Variants in MYO5A observed in about 807,000 individuals in gnomAD.
MYO5A encodes myosin VA.
In MYO5A, 98 loss-of-function variants were observed where a neutral mutation model predicts 249.7. That is an observed-to-expected ratio of 0.39 (90% CI 0.33 to 0.46). The LOEUF is 0.46. Ranked by LOEUF, MYO5A falls within the 20% of genes least tolerant of loss-of-function variation. The pLI, the probability that MYO5A is intolerant of heterozygous loss-of-function variation, is 0.98. For missense variants in MYO5A, 1,696 were observed against 2,308.8 expected, an observed-to-expected ratio of 0.73 and a Z score of 5.44; for synonymous variants, 778 against 810.6, an observed-to-expected ratio of 0.96 and a Z score of 0.68.
chr15:52,334,314 T>C (rs911066982), intron 34 of MYO5A, among the ~76,000 whole-genome samples: 12 of 152,216 alleles, frequency 7.9e-5, no homozygotes, highest in African/African-American at 2.4e-4. Context: ...GAATCTCACA[T>C]GTTAATACAC....
At chr15:52,495,763 T>G (rs1310216903) in intron 1 of MYO5A, among the ~76,000 whole-genome samples, 1 of 152,196 alleles carries the variant, frequency 6.6e-6, no homozygotes, top group African/African-American at 2.4e-5. Context: ...AGTCCTTGCA[T>G]GCATTAAAGC....
chr15:52,391,503 A>G (rs906561398), intron 12 of MYO5A, among the ~76,000 whole-genome samples: 6 of 152,254 alleles, frequency 3.9e-5, no homozygotes, highest in African/African-American at 1.4e-4. Flanking sequence ...TTTAAATATT[A>G]AAGATACAAC....
chr15:52,484,534 G>A (rs921133152), intron 1 of MYO5A, among the ~76,000 whole-genome samples: 1 of 152,166 alleles, frequency 6.6e-6, no homozygotes, highest in Non-Finnish European at 1.5e-5. Context: ...ATTTCAAAGT[G>A]ATCATTATAT....
At position 52,416,494 on chromosome 15, in the gene MYO5A, T is replaced by TA. The variant is rs142141813; in HGVS notation, c.456-194_456-193insT. The stretch of plus-strand genomic sequence containing the variant: ...AGAAATGTTGCAGGATATATATATA[T>TA]TTTTTTTAAGGAATCAGAGAGACCG... On this transcript the variant is annotated intron_variant, in intron 4 of 41. Transcript: ENST00000399233. 0.15 allele frequency among the ~76,000 whole-genome samples: 22,794 copies of TA among 150,856 alleles called. 1,826 individuals are homozygous for TA. The highest frequency in any genetic ancestry group is 0.23 in the Middle Eastern group (67 of 292).
intron 1 of MYO5A, among the ~76,000 whole-genome samples, chr15:52,489,861 C>A (rs67287941): frequency 1.7e-4 from 26 of 152,166 alleles, no homozygotes; most frequent in Non-Finnish European, 3.2e-4. Context: ...AATTCTACAG[C>A]TGAACAGCAA....
At chr15:52,315,610 G>C (rs1041422338) in intron 40 of MYO5A, among the ~76,000 whole-genome samples, 1 of 151,276 alleles carries the variant, frequency 6.6e-6, no homozygotes, top group Non-Finnish European at 1.5e-5. Context: ...CTGACCTCAG[G>C]TGATCTGTCT....
At chr15:52,484,645 G>A (rs1444993731) in intron 1 of MYO5A, among the ~76,000 whole-genome samples, 1 of 152,058 alleles carries the variant, frequency 6.6e-6, no homozygotes, top group Non-Finnish European at 1.5e-5. Context: ...TGATTTCAAT[G>A]TTTGTTTGTT....
At chr15:52,326,369 A>C (rs1005823779) in intron 36 of MYO5A, among the ~76,000 whole-genome samples, 2 of 152,272 alleles carry the variant, frequency 1.3e-5, no homozygotes, top group Admixed American at 6.5e-5. Flanking sequence ...ACAATATTGC[A>C]TCAACACACT....
At chr15:52,329,910 T>A (rs2038797618) in intron 35 of MYO5A, among the ~76,000 whole-genome samples, 2 of 12,890 alleles carry the variant, frequency 1.6e-4, no homozygotes, top group South Asian at 7.2e-3. Flanking sequence ...GGGTAATTTT[T>A]TTTTTTTTTT....
chr15:52,343,854 GATA>G (rs1054574213), intron 30 of MYO5A, among the ~76,000 whole-genome samples: 10 of 152,150 alleles, frequency 6.6e-5, no homozygotes, highest in Admixed American at 5.9e-4. Flanking sequence ...AATTAGTAAT[GATA>G]ATGTTAGTAA....
At chr15:52,376,606 G>T in intron 18 of MYO5A, 48 bp from the exon 19 acceptor site, 1 of 1,538,738 alleles carries the variant, frequency 6.5e-7, no homozygotes, top group South Asian at 1.1e-5. Context: ...TCATATAAGT[G>T]AAATTTAAAA....
chr15:52,516,676 G>C (rs2077502718), intron 1 of MYO5A, among the ~76,000 whole-genome samples: 2 of 152,130 alleles, frequency 1.3e-5, no homozygotes, highest in African/African-American at 4.8e-5. Context: ...TTAGCATTGG[G>C]CATATTTTGC....
intron 1 of MYO5A, among the ~76,000 whole-genome samples, chr15:52,523,734 C>T (rs776340235): frequency 2.6e-5 from 4 of 152,030 alleles, no homozygotes; most frequent in East Asian, 1.9e-4. Flanking sequence ...TTCCAAGCTG[C>T]GGAACTAGGA....
intron 1 of MYO5A, among the ~76,000 whole-genome samples, chr15:52,521,021 A>T (rs1313192469): frequency 6.6e-6 from 1 of 152,082 alleles, no homozygotes; most frequent in Non-Finnish European, 1.5e-5. Context: ...CATGGTCAGG[A>T]GTTCGAGACC....
chr15:52,510,408 A>G (rs1387754705), intron 1 of MYO5A, among the ~76,000 whole-genome samples: 1 of 152,232 alleles, frequency 6.6e-6, no homozygotes, highest in Non-Finnish European at 1.5e-5. Flanking sequence ...TCAAATAAGA[A>G]TTTTTGGAAA....
At chr15:52,343,267 A>AG in intron 30 of MYO5A, 70 bp from the exon 31 acceptor site, 2 of 1,234,632 alleles carry the variant, frequency 1.6e-6, no homozygotes, top group Non-Finnish European at 2.4e-6. Flanking sequence ...GACGATGGTC[A>AG]ACAGCAGCAT....
At chr15:52,496,680 G>T (rs909269552) in intron 1 of MYO5A, among the ~76,000 whole-genome samples, 1 of 152,174 alleles carries the variant, frequency 6.6e-6, no homozygotes, top group African/African-American at 2.4e-5. Context: ...AGGTATATGG[G>T]CAAATATCCC....
At chr15:52,314,827 AATC>A (rs1313680399) in intron 40 of MYO5A, among the ~76,000 whole-genome samples, 1 of 152,266 alleles carries the variant, frequency 6.6e-6, no homozygotes, top group African/African-American at 2.4e-5. Flanking sequence ...AATGAAAATA[AATC>A]ATCGTCTATA....
intron 29 of MYO5A, chr15:52,346,746 A>G (rs2039652315): frequency 9.1e-6 from 4 of 439,600 alleles, no homozygotes; most frequent in Non-Finnish European, 1.3e-5. Flanking sequence ...CTGATGGGCC[A>G]TATATGTGTT....
Sources: gnomAD v4.1 joint callset for allele counts (sites outside exome capture counted in the v4.1 genomes callset) on GRCh38, gnomAD v4.1.1 for gene constraint, MANE v1.5 for transcripts, NCBI Gene and HGNC (gene_info 2026-07-23, HGNC 2026-07-21) for gene names.